The following ATG10 variants were observed in gnomAD, a reference collection of about 807,000 sequenced individuals.
ATG10 encodes ubiquitin-like-conjugating enzyme ATG10.
ATG10 carries 30 observed loss-of-function variants against 32.1 expected under a neutral mutation model. The ratio of observed to expected loss-of-function variants is 0.94; its 90% CI spans 0.70 to 1.27. The LOEUF (loss-of-function observed/expected upper bound fraction) is 1.27, where lower values mean the gene tolerates loss of function less well. Among genes scored for constraint, ATG10 ranks in the 50% most tolerant of loss-of-function variants. ATG10 has a pLI of 0.00. For synonymous variants in ATG10, 87 were observed against 91.5 expected (o/e 0.95, Z 0.28); for missense variants, 233 against 262.3 (o/e 0.89, Z 0.77).
intron 2 of ATG10, among the ~76,000 whole-genome samples, chr5:82,034,525 A>G (rs911107023): frequency 1.3e-5 from 2 of 152,338 alleles, no homozygotes; most frequent in African/African-American, 2.4e-5. Context: ...GTTCAGTCAT[A>G]TAACTCTTTT....
chr5:81,984,195 C>T (rs537938116), intron 1 of ATG10, among the ~76,000 whole-genome samples: 1,957 of 152,402 alleles, frequency 0.013, 40 homozygotes, highest in African/African-American at 0.044. Context: ...GAGGCCGAGG[C>T]TGGCGGATCA....
intron 5 of ATG10, among the ~76,000 whole-genome samples, chr5:82,186,605 T>C (rs1371923693): frequency 6.6e-6 from 1 of 151,258 alleles, no homozygotes; most frequent in Non-Finnish European, 1.5e-5. Context: ...TTTTTTTTTT[T>C]TTTTTTCAGA....
At chr5:82,135,488 A>T (rs1766695490) in intron 3 of ATG10, among the ~76,000 whole-genome samples, 1 of 152,188 alleles carries the variant, frequency 6.6e-6, no homozygotes, top group South Asian at 2.1e-4. Context: ...TTATTTACCC[A>T]GTGGTCATTC....
chr5:82,219,312 T>G (rs1274086582), intron 5 of ATG10, among the ~76,000 whole-genome samples: 1 of 152,234 alleles, frequency 6.6e-6, no homozygotes, highest in Non-Finnish European at 1.5e-5. Context: ...TGATTGATGC[T>G]TTAAAATGGA....
At chr5:82,185,405 C>T (rs937872236) in intron 5 of ATG10, among the ~76,000 whole-genome samples, 1 of 152,154 alleles carries the variant, frequency 6.6e-6, no homozygotes, top group African/African-American at 2.4e-5. Flanking sequence ...TTATTTTCCT[C>T]ATTTCGTCCT....
chr5:81,980,453 T>C (rs1761004210), intron 1 of ATG10, among the ~76,000 whole-genome samples: 1 of 152,116 alleles, frequency 6.6e-6, no homozygotes, highest in African/African-American at 2.4e-5. Context: ...TTCGTCTCTC[T>C]CACTACACTT....
intron 3 of ATG10, among the ~76,000 whole-genome samples, chr5:82,152,167 G>T (rs1290851687): frequency 6.6e-6 from 1 of 152,198 alleles, no homozygotes; most frequent in African/African-American, 2.4e-5. Flanking sequence ...TTTCTGAATA[G>T]ATTTACATAT....
At chr5:82,201,154 G>A (rs535848146) in intron 5 of ATG10, among the ~76,000 whole-genome samples, 3 of 151,972 alleles carry the variant, frequency 2.0e-5, no homozygotes, top group South Asian at 4.2e-4. Flanking sequence ...CAAAGTGCTG[G>A]GATTACAGAT....
chr5:82,173,906 G>A (rs964771873), intron 4 of ATG10, among the ~76,000 whole-genome samples: 2 of 152,088 alleles, frequency 1.3e-5, no homozygotes, highest in African/African-American at 2.4e-5. Context: ...ATTTATGTCC[G>A]TGTTTTAAGT....
chr5:82,082,107 C>G (rs1236858155), intron 3 of ATG10, among the ~76,000 whole-genome samples: 4 of 152,104 alleles, frequency 2.6e-5, no homozygotes, highest in Non-Finnish European at 4.4e-5. Flanking sequence ...GGGTTCCTCC[C>G]ATGACACATG....
At chr5:81,989,718 C>T (rs796258327) in intron 2 of ATG10, among the ~76,000 whole-genome samples, 8 of 152,226 alleles carry the variant, frequency 5.3e-5, no homozygotes, top group African/African-American at 1.9e-4. Context: ...CTGCCTCAGC[C>T]TCTTCGAGTA....
intron 2 of ATG10, among the ~76,000 whole-genome samples, chr5:82,056,582 G>A (rs1763606823): frequency 6.6e-6 from 1 of 152,054 alleles, no homozygotes; most frequent in Admixed American, 6.6e-5. Flanking sequence ...GGGGCCGGCA[G>A]TACTGATGGG....
At chr5:82,148,650 TC>T (rs1246426902) in intron 3 of ATG10, among the ~76,000 whole-genome samples, 1 of 152,216 alleles carries the variant, frequency 6.6e-6, no homozygotes, top group East Asian at 1.9e-4. Context: ...TACTGACACT[TC>T]CTCACCACAA....
At chr5:82,098,046 G>A (rs1263816811) in intron 3 of ATG10, among the ~76,000 whole-genome samples, 1 of 152,152 alleles carries the variant, frequency 6.6e-6, no homozygotes, top group Non-Finnish European at 1.5e-5. Flanking sequence ...TCATTCAACA[G>A]TGGCCGCTTG....
Position 82,147,231 on chromosome 5 carries a change from T to C in ATG10, c.217-17168T>C, listed in dbSNP as rs181102358. On this transcript the variant is annotated intron_variant, in intron 3 of 7. Transcript: ENST00000282185. ...TCACCCAGGCTGGAGTGCAGTTGCG[T>C]GATCTCAGCTCACTGCAACCTCCGC... The C allele has an allele frequency of 2.6e-3, 612 of 234,016 alleles. 14 individuals carry two copies. In the Admixed American group the frequency reaches 0.031, roughly 12 times the overall value. 14.5% of individuals were successfully genotyped at this position (234,016 alleles called of 1,614,324 possible). A position where few individuals can be genotyped will look rare whatever the true frequency, so the allele number is the denominator to read the frequency against.
intron 5 of ATG10, among the ~76,000 whole-genome samples, chr5:82,237,792 C>T (rs551651325): frequency 6.0e-4 from 92 of 152,148 alleles, no homozygotes; most frequent in Non-Finnish European, 1.2e-3. Context: ...TTCTGTAATC[C>T]TTGAATGGTA....
chr5:82,187,050 G>C (rs1215469688), intron 5 of ATG10, among the ~76,000 whole-genome samples: 2 of 152,078 alleles, frequency 1.3e-5, no homozygotes, highest in African/African-American at 4.8e-5. Context: ...GCTCATAACT[G>C]CAATCACAGC....
At chr5:82,139,454 C>G (rs1203666763) in intron 3 of ATG10, among the ~76,000 whole-genome samples, 1 of 111,760 alleles carries the variant, frequency 8.9e-6, no homozygotes, top group Admixed American at 8.2e-5. Context: ...TCTGCCCGGC[C>G]GCCCATCGTC....
In ATG10 at chr5:81,972,280, G is replaced by A. The variant is rs1760743644; in HGVS notation, c.-39G>A. The A allele has an allele frequency of 6.6e-6, 1 of 152,472 alleles. No individual in the cohort carries two copies. The highest frequency in any genetic ancestry group is 2.4e-5 in the African/African-American group (1 of 41,454). 9.4% of individuals were successfully genotyped at this position (152,472 alleles called of 1,614,324 possible). ...CGCCCCGCCCTCGCCGGGCTGGGCT[G>A]CGGGGTCAGGGGCCGAGCGGAGAGG... On this transcript the variant is annotated 5_prime_UTR_variant, in exon 1 of 8. Coordinates refer to ENST00000282185, the MANE Select transcript of ATG10 (RefSeq NM_031482.5).
Sources: allele counts gnomAD v4.1 joint callset (sites outside exome capture counted in the v4.1 genomes callset), GRCh38; gene constraint gnomAD v4.1.1; transcripts MANE v1.5; gene names NCBI Gene and HGNC (gene_info 2026-07-23, HGNC 2026-07-21).